GRIN3B: variants seen among roughly 807,000 people sequenced by gnomAD.
GRIN3B encodes glutamate ionotropic receptor NMDA type subunit 3B.
In GRIN3B, 77 loss-of-function variants were observed where a neutral mutation model predicts 66.0. The ratio of observed to expected loss-of-function variants is 1.17; its 90% CI spans 0.97 to 1.41. The LOEUF is 1.41. Among genes scored for constraint, GRIN3B ranks in the 40% most tolerant of loss-of-function variants. The probability of loss-of-function intolerance (pLI) is 0.00; values close to 1 mark genes in which losing one functional copy is unlikely to be tolerated. For synonymous variants in GRIN3B, 823 were observed against 749.7 expected (o/e 1.10, Z -1.60); for missense variants, 1,787 against 1,564.5 (o/e 1.14, Z -2.40).
chr19:1,005,609 C>A lies in GRIN3B; in HGVS notation c.2052+56C>A. ...TTGGGGGGCTAGCGGTGGCCCCGGGCTGGGCTGTGTGGGGCAGGGGTGGTC... is the reference window on the plus strand; with the variant it reads ...TTGGGGGGCTAGCGGTGGCCCCGGGATGGGCTGTGTGGGGCAGGGGTGGTC... On this transcript the variant is annotated intron_variant, in intron 3 of 8. Coordinates refer to ENST00000234389, the MANE Select transcript of GRIN3B (RefSeq NM_138690.3). The surrounding 1 kb of genome is among the most constrained non-coding windows in gnomAD (Gnocchi z 5.2). The A allele has an allele frequency of 7.1e-7, 1 of 1,414,450 alleles. No individual in the cohort carries two copies. The highest frequency in any genetic ancestry group is 9.5e-7 in the Non-Finnish European group (1 of 1,053,954). The allele number at this position is 1,414,450 out of a possible 1,614,324, so 87.6% of individuals were successfully genotyped here.
Position 1,004,896 on chromosome 19 carries a change from C to G in GRIN3B, c.1395C>G (p.Asn465Lys). The G allele has an allele frequency of 6.3e-7, 1 of 1,598,300 alleles. No homozygotes were observed. The highest frequency in any genetic ancestry group is 8.5e-7 in the Non-Finnish European group (1 of 1,170,798). The change falls in exon 3 of 9, where the codon AAC (asparagine) becomes AAG (lysine). Residue 465 changes from asparagine (N) to lysine (K), a missense_variant. Asn to Lys is a moderately conservative substitution (Grantham distance 94). Coordinates refer to ENST00000234389, the MANE Select transcript of GRIN3B (RefSeq NM_138690.3). ...TLDALFAALA[N>K]GSAPRALRKC... is the part of the protein sequence containing the mutation. ...ACGCACTGTTCGCCGCGCTGGCCAA[C>G]GGCTCAGCGCCCCGTGCCCTGCGCA...
At chr19:1,009,137 C>T (rs1490315443) in intron 8 of GRIN3B, 36 bp from the exon 9 acceptor site, 2 of 1,443,200 alleles carry the variant, frequency 1.4e-6, no homozygotes, top group African/African-American at 2.9e-5. Flanking sequence ...AGACGGCTGC[C>T]CCGGCGGACA....
chr19:1,004,860 G>A lies in GRIN3B; in HGVS notation c.1359G>A (p.Ser453=), dbSNP rs368049150. The change falls in exon 3 of 9, where the codon TCG becomes TCA. Residue 453 remains serine, a synonymous_variant. Coordinates refer to ENST00000234389, the MANE Select transcript of GRIN3B (RefSeq NM_138690.3). ...GCCTGGACCCTGGCACCAACGACTC[G>A]GCCACCCTGGACGCACTGTTCGCCG... ...QLCLDPGTND[S]ATLDALFAAL... is the part of the protein sequence containing the mutation. The A allele has an allele frequency of 4.6e-5, 74 of 1,611,284 alleles. No individual in the cohort carries two copies. The highest frequency in any genetic ancestry group is 5.7e-5 in the Non-Finnish European group (67 of 1,178,906).
chr19:1,004,842 C>T lies in GRIN3B; in HGVS notation c.1341C>T (p.Asp447=), dbSNP rs771611326. ...GCCCAGCGGGGCAGCTGTGCCTGGA[C>T]CCTGGCACCAACGACTCGGCCACCC... ...GQCPAGQLCL[D]PGTNDSATLD... is the part of the protein sequence containing the mutation. The change falls in exon 3 of 9, where the codon GAC becomes GAT. Residue 447 remains aspartate, a synonymous_variant. Coordinates refer to ENST00000234389, the MANE Select transcript of GRIN3B (RefSeq NM_138690.3). 36 of 1,612,154 alleles carry T rather than the reference C, an allele frequency of 2.2e-5. No individual in the cohort carries two copies. The Admixed American group carries it at 6.0e-4, about 27-fold the overall frequency.
intron 6 of GRIN3B, among the ~76,000 whole-genome samples, 156 bp from the exon 7 acceptor site, chr19:1,008,462 A>C (rs1202790089): frequency 6.6e-6 from 1 of 151,942 alleles, no homozygotes; most frequent in Non-Finnish European, 1.5e-5. Context: ...TCCTCCATGA[A>C]ACCTCACTCC....
In GRIN3B at chr19:1,005,675, C is replaced by A; in HGVS notation, c.2052+122C>A. ...ACGTCCACTAGGCCAACTCTGGTCCCAAGAGACATTTATTCAATTAATTTA... is the reference window on the plus strand; with the variant it reads ...ACGTCCACTAGGCCAACTCTGGTCCAAAGAGACATTTATTCAATTAATTTA... On this transcript the variant is annotated intron_variant, in intron 3 of 8. Transcript: ENST00000234389. This position sits in a 1 kb window ranked among gnomAD's most constrained non-coding sequence, Gnocchi z 5.2. 1.4e-6 allele frequency: 1 copy of A among 718,004 alleles called. No individual in the cohort carries two copies. 44.5% of individuals were successfully genotyped at this position (718,004 alleles called of 1,614,324 possible). A position where few individuals can be genotyped will look rare whatever the true frequency, so the allele number is the denominator to read the frequency against.
At chr19:1,001,788 C>T (rs1330119454) in intron 1 of GRIN3B, among the ~76,000 whole-genome samples, 2 of 152,150 alleles carry the variant, frequency 1.3e-5, no homozygotes, top group African/African-American at 4.8e-5. Context: ...CCCCACCGCC[C>T]TAGGGCTGGT....
chr19:1,003,517 G>T lies in GRIN3B; in HGVS notation c.814G>T (p.Ala272Ser). ...ACTGCCGCCCAAGGCCCTGCCCACC[G>T]CGGGGCTGCCACCAGGGCTGCTGGC... ...TPLPPKALPT[A>S]GLPPGLLALG... The change falls in exon 2 of 9, where the codon GCG becomes TCG. Residue 272 changes from alanine to serine, a missense_variant. Transcript: ENST00000234389. 6.5e-7 allele frequency: 1 copy of T among 1,531,864 alleles called. No homozygotes were observed. The allele number at this position is 1,531,864 out of a possible 1,614,324, so 94.9% of individuals were successfully genotyped here.
chr19:1,009,046 G>A, intron 8 of GRIN3B, 119 bp downstream of exon 8: 5 of 1,064,754 alleles, frequency 4.7e-6, no homozygotes, highest in South Asian at 1.4e-5. Context: ...GCCCACCCCC[G>A]GACGTGCACA....
chr19:1,004,638 C>T lies in GRIN3B; in HGVS notation c.1137C>T (p.Gly379=), dbSNP rs373833586. The change falls in exon 3 of 9, where the codon GGC becomes GGT. Residue 379 remains glycine, a synonymous_variant. Coordinates refer to ENST00000234389, the MANE Select transcript of GRIN3B (RefSeq NM_138690.3). ...KVWSLRRDPR[G]APAWATVGSW... is the part of the protein sequence containing the mutation. ...GGAGCCTTCGCCGGGACCCACGGGG[C>T]GCCCCGGCCTGGGCCACGGTGGGCA... 73 of 1,601,056 alleles carry T rather than the reference C, an allele frequency of 4.6e-5. No homozygotes were observed. The highest frequency in any genetic ancestry group is 9.4e-5 in the African/African-American group (7 of 74,580).
intron 3 of GRIN3B, among the ~76,000 whole-genome samples, chr19:1,006,147 G>A (rs1179569015): frequency 1.3e-5 from 2 of 151,976 alleles, no homozygotes; most frequent in Non-Finnish European, 2.9e-5. Context: ...ACCGCATCCA[G>A]CCTATTTTTC....
Position 1,009,502 on chromosome 19 carries a change from TCGGGGACAGCG to T in GRIN3B, c.3034_3044del (p.Gly1012ThrfsTer65), listed in dbSNP as rs776422760. ...CGGCGCGGCCAGCTCCTGGCACAGC[TCGGGGACAGCG>T]CACGTCACCGGCCTCGGCGCTTGCT... On this transcript the variant is annotated frameshift_variant, in exon 9 of 9. Coordinates refer to ENST00000234389, the MANE Select transcript of GRIN3B (RefSeq NM_138690.3). LOFTEE classifies it low-confidence loss of function (END_TRUNC). The T allele has an allele frequency of 2.3e-4, 342 of 1,496,236 alleles. No individual in the cohort carries two copies. The highest frequency in any genetic ancestry group is 9.4e-4 in the Middle Eastern group (4 of 4,270). 92.7% of individuals were successfully genotyped at this position (1,496,236 alleles called of 1,614,324 possible). A position where few individuals can be genotyped will look rare whatever the true frequency, so the allele number is the denominator to read the frequency against.
intron 1 of GRIN3B, chr19:1,001,975 C>G (rs1376392452): frequency 3.3e-5 from 5 of 152,374 alleles, no homozygotes; most frequent in African/African-American, 1.2e-4. Flanking sequence ...TGCTTCCACC[C>G]TGGGAAGCGC....
chr19:1,008,258 G>A lies in GRIN3B; in HGVS notation c.2433G>A (p.Val811=). Reference sequence around the variant, plus strand: ...TCCACGACAAGTGGTACAAGATGGTGCCTTGCGGCAAGCGGGTCTTTGCGG... The same window carrying A: ...TCCACGACAAGTGGTACAAGATGGTACCTTGCGGCAAGCGGGTCTTTGCGG... ...DLLHDKWYKM[V]PCGKRVFAVT... The change falls in exon 6 of 9, where the codon GTG becomes GTA. Residue 811 remains valine (V), a synonymous_variant. Coordinates refer to ENST00000234389, the MANE Select transcript of GRIN3B (RefSeq NM_138690.3). The A allele has an allele frequency of 1.2e-6, 2 of 1,607,654 alleles. No individual in the cohort carries two copies. Among genetic ancestry groups the A allele is most frequent in the South Asian group, 1.1e-5 (1 of 90,880 alleles).
In GRIN3B at chr19:1,000,832, G is replaced by T. The variant is rs1157300381; in HGVS notation, c.395G>T (p.Arg132Leu). Reference protein sequence around the residue: ...ATETPVLSLLRREARAPLGAP... With the variant: ...ATETPVLSLLLREARAPLGAP... ...GAGACCCCCGTGCTCAGCCTGCTGCGGCGGGAGGCGCGCGCGCCCCTCGGA... is the reference window on the plus strand; with the variant it reads ...GAGACCCCCGTGCTCAGCCTGCTGCTGCGGGAGGCGCGCGCGCCCCTCGGA... The change falls in exon 1 of 9, where the codon CGG becomes CTG. Residue 132 changes from arginine (R) to leucine (L), a missense_variant. Physicochemically the swap from Arg to Leu is moderately radical, Grantham distance 102 (BLOSUM62 -2). Coordinates refer to ENST00000234389, the MANE Select transcript of GRIN3B (RefSeq NM_138690.3). 1.5e-5 allele frequency: 22 copies of T among 1,438,982 alleles called. No individual in the cohort carries two copies. In the Admixed American group the frequency reaches 4.0e-4, roughly 26 times the overall value. 89.1% of individuals were successfully genotyped at this position (1,438,982 alleles called of 1,614,324 possible).
In GRIN3B at chr19:1,007,760, GT is replaced by G; in HGVS notation, c.2186del (p.Val729AlafsTer34). On this transcript the variant is annotated frameshift_variant, in exon 4 of 9. Transcript: ENST00000234389. LOFTEE classifies it high-confidence loss of function. This position sits in a 1 kb window ranked among gnomAD's most constrained non-coding sequence, Gnocchi z 4.4. The stretch of plus-strand genomic sequence containing the variant: ...CAGCGCGCCCACCACGCCCCGCGGC[GT>G]CGCCATGCTCACGTGAGCCCGGGCG... The part of the protein sequence containing the change: ...RHSAPTTPRG[V>X]AMLTSDPPKL... 6.6e-7 allele frequency: 1 copy of G among 1,515,768 alleles called. No homozygotes were observed. Among genetic ancestry groups the G allele is most frequent in the South Asian group, 1.2e-5 (1 of 80,166 alleles). 93.9% of individuals were successfully genotyped at this position (1,515,768 alleles called of 1,614,324 possible).
chr19:1,008,577 C>A, intron 6 of GRIN3B, 41 bp from the exon 7 acceptor site: 1 of 1,577,622 alleles, frequency 6.3e-7, no homozygotes, highest in South Asian at 1.1e-5. Context: ...AGGGGCCTGC[C>A]ATTACGTGAC....
chr19:1,008,516 C>T lies in GRIN3B; in HGVS notation c.2467-102C>T, dbSNP rs561276799. ...TGCCTCCCAACCTGGCTCCACTGCC[C>T]CAAGCCCCTCTCTCTGGCCCAACCT... On this transcript the variant is annotated intron_variant, in intron 6 of 8. Transcript: ENST00000234389. 7.3e-4 allele frequency: 1,014 copies of T among 1,391,388 alleles called. 4 individuals are homozygous for T. The highest frequency in any genetic ancestry group is 2.9e-3 in the Middle Eastern group (11 of 3,846). The allele number at this position is 1,391,388 out of a possible 1,614,324, so 86.2% of individuals were successfully genotyped here. A position where few individuals can be genotyped will look rare whatever the true frequency, so the allele number is the denominator to read the frequency against.
chr19:1,000,843 C>T lies in GRIN3B; in HGVS notation c.406C>T (p.Arg136Cys). ...PVLSLLRREA[R>C]APLGAPNPFH... is the part of the protein sequence containing the mutation. Reference sequence around the variant, plus strand: ...GCTCAGCCTGCTGCGGCGGGAGGCGCGCGCGCCCCTCGGAGCCCCGGTACG... The same window carrying T: ...GCTCAGCCTGCTGCGGCGGGAGGCGTGCGCGCCCCTCGGAGCCCCGGTACG... Residue 136 changes from arginine to cysteine, a missense_variant, in exon 1 of 9, where the codon CGC (arginine) becomes TGC (cysteine). Transcript: ENST00000234389. 2 of 1,427,610 alleles carry T rather than the reference C, an allele frequency of 1.4e-6. No individual in the cohort carries two copies. The highest frequency in any genetic ancestry group is 1.4e-5 in the South Asian group (1 of 71,870). The allele number at this position is 1,427,610 out of a possible 1,614,324, so 88.4% of individuals were successfully genotyped here.
Sources: gnomAD v4.1 joint callset for allele counts (sites outside exome capture counted in the v4.1 genomes callset) on GRCh38, gnomAD v4.1.1 for gene constraint, Gnocchi (gnomAD v3.1) non-coding constraint, MANE v1.5 for transcripts, NCBI Gene and HGNC (gene_info 2026-07-23, HGNC 2026-07-21) for gene names.